Variants in PCDHA3 observed in about 807,000 individuals in gnomAD.
PCDHA3 encodes protocadherin alpha-3.
In PCDHA3, 41 loss-of-function variants were observed where a neutral mutation model predicts 62.2. That is an observed-to-expected ratio of 0.66 (90% CI 0.51 to 0.86). The LOEUF (loss-of-function observed/expected upper bound fraction) is 0.86, where lower values mean the gene tolerates loss of function less well. Among genes scored for constraint, PCDHA3 ranks in the 40% least tolerant of loss-of-function variants. The pLI, the probability that PCDHA3 is intolerant of heterozygous loss-of-function variation, is 0.00. For missense variants in PCDHA3, 1,304 were observed against 1,241.2 expected, an observed-to-expected ratio of 1.05 and a Z score of -0.76; for synonymous variants, 640 against 555.4, an observed-to-expected ratio of 1.15 and a Z score of -2.14.
intron 1 of PCDHA3, chr5:140,836,037 C>T: frequency 6.2e-7 from 1 of 1,613,440 alleles, no homozygotes; most frequent in Non-Finnish European, 8.5e-7. Flanking sequence ...CGTGACGCTG[C>T]AGGTGTTCGT....
chr5:140,830,340 A>G (rs1554132759), intron 1 of PCDHA3: 16 of 1,613,958 alleles, frequency 9.9e-6, no homozygotes, highest in Non-Finnish European at 1.4e-5. Flanking sequence ...AGCTGGTCGT[A>G]CTCGCAGCAG....
At chr5:140,809,394 A>G in intron 1 of PCDHA3, 18 of 1,614,068 alleles carry the variant, frequency 1.1e-5, no homozygotes, top group Non-Finnish European at 1.5e-5. Flanking sequence ...GCTCCGGGCA[A>G]GCCCACGCTG....
In PCDHA3 at chr5:140,822,757, C is replaced by G. The variant is rs2150119240; in HGVS notation, c.2394+19166C>G. On this transcript the variant is annotated intron_variant, in intron 1 of 3. Transcript: ENST00000522353. Reference sequence around the variant, plus strand: ...TGATGCCATGGATAAAAGTACATTCCCATTATCAGGACACTGTAAAGTAGT... The same window carrying G: ...TGATGCCATGGATAAAAGTACATTCGCATTATCAGGACACTGTAAAGTAGT... The G allele has an allele frequency of 5.7e-5, 92 of 1,613,752 alleles. No homozygotes were observed. The highest frequency in any genetic ancestry group is 8.0e-5 in the African/African-American group (6 of 74,906).
At chr5:140,907,564 C>A (rs782642591) in intron 1 of PCDHA3, among the ~76,000 whole-genome samples, 1 of 152,228 alleles carries the variant, frequency 6.6e-6, no homozygotes, top group African/African-American at 2.4e-5. Flanking sequence ...ATATAATCAA[C>A]TTGCCACCAG....
chr5:140,842,394 C>T (rs2150335201), intron 1 of PCDHA3: 6 of 1,611,212 alleles, frequency 3.7e-6, no homozygotes, highest in Admixed American at 3.3e-5. Flanking sequence ...TTATCCTTGC[C>T]TGTACGTGAA....
Position 140,801,437 on chromosome 5 carries a change from G to C in PCDHA3, c.240G>C (p.Gln80His), listed in dbSNP as rs776837907. 1.2e-6 allele frequency: 2 copies of C among 1,613,974 alleles called. No individual in the cohort carries two copies. The highest frequency in any genetic ancestry group is 1.7e-6 in the Non-Finnish European group (2 of 1,180,052). ...RHGDLLEVNL[Q>H]NGILFVNSRI... The stretch of plus-strand genomic sequence containing the variant: ...GGGACCTTCTGGAGGTAAATCTGCA[G>C]AATGGCATTTTGTTTGTGAATTCTC... Residue 80 changes from glutamine to histidine, a missense_variant, in exon 1 of 4, where the codon CAG (glutamine) becomes CAC (histidine). Coordinates refer to ENST00000522353, the MANE Select transcript of PCDHA3 (RefSeq NM_018906.3).
At chr5:140,928,885 C>T in intron 1 of PCDHA3, 1 of 1,614,194 alleles carries the variant, frequency 6.2e-7, no homozygotes, top group Non-Finnish European at 8.5e-7. Context: ...TCAGTTACTT[C>T]CAGACTTTGA....
At chr5:140,940,600 G>A (rs576348550) in intron 1 of PCDHA3, among the ~76,000 whole-genome samples, 36 of 152,074 alleles carry the variant, frequency 2.4e-4, no homozygotes, top group African/African-American at 8.4e-4. Flanking sequence ...GGCATGAGCC[G>A]CTGCTCCTGG....
intron 1 of PCDHA3, chr5:140,848,634 C>A (rs1364235763): frequency 1.1e-5 from 17 of 1,593,322 alleles, no homozygotes; most frequent in Non-Finnish European, 1.5e-5. Context: ...CTTCGTGGGC[C>A]GCATCGCGCA....
At chr5:140,884,143 G>T in intron 1 of PCDHA3, 1 of 1,613,438 alleles carries the variant, frequency 6.2e-7, no homozygotes. Flanking sequence ...TCCGCGTGGG[G>T]CTGTACACTG....
At position 140,824,610 on chromosome 5, in the gene PCDHA3, G is replaced by GTTTTTTTTTTTTTTTTTTTTTT. The variant is rs782443702; in HGVS notation, c.2394+21020_2394+21041dup. ...GGACTACATGCACATGCTAATTAAA[G>GTTTTTTTTTTTTTTTTTTTTTT]TTTTTTTTTTTTTTTTTTTTTTATT... On this transcript the variant is annotated intron_variant, in intron 1 of 3. Coordinates refer to ENST00000522353, the MANE Select transcript of PCDHA3 (RefSeq NM_018906.3). 6 of 95,112 alleles carry GTTTTTTTTTTTTTTTTTTTTTT rather than the reference G, an allele frequency of 6.3e-5. 1 individual carries two copies. Among genetic ancestry groups the GTTTTTTTTTTTTTTTTTTTTTT allele is most frequent in the African/African-American group, 2.4e-4 (5 of 20,574 alleles). 5.9% of individuals were successfully genotyped at this position (95,112 alleles called of 1,614,324 possible).
Position 140,858,496 on chromosome 5 carries a change from C to T in PCDHA3, c.2394+54905C>T, listed in dbSNP as rs1554151697. 7 of 1,479,962 alleles carry T rather than the reference C, an allele frequency of 4.7e-6. 1 individual carries two copies. 91.7% of individuals were successfully genotyped at this position (1,479,962 alleles called of 1,614,324 possible). ...TTATGAATAATATTTTCTCTTACCG[C>T]ATTTTCTCAAATATGTATCAGAATA... is the stretch of plus-strand genomic sequence containing the variant. On this transcript the variant is annotated intron_variant, in intron 1 of 3. Transcript: ENST00000522353.
intron 1 of PCDHA3, chr5:140,884,152 T>A: frequency 6.2e-7 from 1 of 1,613,450 alleles, no homozygotes; most frequent in Non-Finnish European, 8.5e-7. Context: ...GGCTGTACAC[T>A]GGCGAGATCA....
intron 1 of PCDHA3, chr5:140,857,580 C>T: frequency 6.3e-7 from 1 of 1,596,630 alleles, no homozygotes; most frequent in African/African-American, 1.3e-5. Flanking sequence ...TCGGTGCACG[C>T]GGAGAGCGGC....
chr5:140,979,053 T>A (rs1429544807), intron 2 of PCDHA3, 46 bp downstream of exon 2: 3 of 1,610,104 alleles, frequency 1.9e-6, no homozygotes, highest in Admixed American at 3.4e-5. Context: ...CTTAACTTGG[T>A]ATGGCTCAGA....
intron 1 of PCDHA3, among the ~76,000 whole-genome samples, chr5:140,938,635 G>A (rs1361017966): frequency 6.6e-6 from 1 of 151,982 alleles, no homozygotes; most frequent in Non-Finnish European, 1.5e-5. Context: ...TGCTTATGAT[G>A]TATAATCCTT....
chr5:140,837,386 T>C (rs1207161935), intron 1 of PCDHA3, among the ~76,000 whole-genome samples: 1 of 152,036 alleles, frequency 6.6e-6, no homozygotes, highest in Non-Finnish European at 1.5e-5. Context: ...ATTTTGTTCC[T>C]TGTTTGTATA....
At chr5:140,920,662 G>A (rs2079759376) in intron 1 of PCDHA3, among the ~76,000 whole-genome samples, 1 of 152,044 alleles carries the variant, frequency 6.6e-6, no homozygotes, top group Admixed American at 6.6e-5. Context: ...TTGCCAACAT[G>A]GTGAAACCCC....
At chr5:140,850,831 G>C (rs981885351) in intron 1 of PCDHA3, 1 of 1,598,080 alleles carries the variant, frequency 6.3e-7, no homozygotes, top group Non-Finnish European at 8.6e-7. Context: ...CTTTCTCCTT[G>C]TGCTGGATCT....
Sources: gnomAD v4.1 joint callset for allele counts (sites outside exome capture counted in the v4.1 genomes callset) on GRCh38, gnomAD v4.1.1 for gene constraint, MANE v1.5 for transcripts, NCBI Gene and HGNC (gene_info 2026-07-23, HGNC 2026-07-21) for gene names.